Variants in RELN observed in about 807,000 individuals in gnomAD.
The protein encoded by RELN is reelin.
Under a neutral mutation model 427.6 loss-of-function variants are expected in RELN, and 108 were observed. The ratio of observed to expected loss-of-function variants is 0.25; its 90% CI spans 0.22 to 0.30. The LOEUF (loss-of-function observed/expected upper bound fraction) is 0.30, where lower values mean the gene tolerates loss of function less well. Ranked by LOEUF, RELN falls within the 10% of genes least tolerant of loss-of-function variation. The pLI is 1.00. For synonymous variants in RELN, 1,524 were observed against 1,513.4 expected, an observed-to-expected ratio of 1.01 and a Z score of -0.16; for missense variants, 3,715 against 4,302.8, an observed-to-expected ratio of 0.86 and a Z score of 3.82.
intron 2 of RELN, among the ~76,000 whole-genome samples, chr7:103,869,495 A>G (rs1794277274): frequency 1.3e-5 from 2 of 151,988 alleles, no homozygotes; most frequent in African/African-American, 4.8e-5. Flanking sequence ...AATATCTGTA[A>G]TTTTTATTTT....
Position 103,713,840 on chromosome 7 carries a change from T to C in RELN, c.805+9300A>G, listed in dbSNP as rs1441893218. 3.9e-5 allele frequency among the ~76,000 whole-genome samples: 6 copies of C among 152,198 alleles called. No individual in the cohort carries two copies. In the South Asian group the frequency reaches 8.3e-4, roughly 21 times the overall value. ...AGACCATTATTATCCAGATTACCAA[T>C]AGTTTGATAGTTCTATGAACAGCAC... On this transcript the variant is annotated intron_variant, in intron 8 of 64. Transcript: ENST00000428762.
chr7:103,891,098 AC>A (rs1794840006), intron 2 of RELN, among the ~76,000 whole-genome samples: 1 of 151,982 alleles, frequency 6.6e-6, no homozygotes, highest in African/African-American at 2.4e-5. Flanking sequence ...ACAAAACAAA[AC>A]AAAAAACAAA....
intron 24 of RELN, among the ~76,000 whole-genome samples, chr7:103,597,932 C>G (rs1385787019): frequency 6.6e-6 from 1 of 152,162 alleles, no homozygotes; most frequent in African/African-American, 2.4e-5. Flanking sequence ...ACAGATTCTT[C>G]CAAAGCTCAT....
chr7:103,735,972 GGAAAA>G (rs1790482396), intron 6 of RELN, among the ~76,000 whole-genome samples: 1 of 152,112 alleles, frequency 6.6e-6, no homozygotes, highest in Non-Finnish European at 1.5e-5. Flanking sequence ...AACCGAAAAA[GGAAAA>G]GAAAAGTTTC....
At chr7:103,558,250 A>G (rs755195134) in intron 36 of RELN, among the ~76,000 whole-genome samples, 85 of 152,168 alleles carry the variant, frequency 5.6e-4, no homozygotes, top group Admixed American at 1.0e-3. Context: ...GTGCCTGAAT[A>G]ACACAGTTTC....
rs531158350 is a variant in RELN at position 103,968,473 on chromosome 7, G to A, written c.226+20658C>T. 6.6e-6 allele frequency among the ~76,000 whole-genome samples: 1 copy of A among 152,104 alleles called. No homozygotes were observed. Among genetic ancestry groups the A allele is most frequent in the South Asian group, 2.1e-4 (1 of 4,818 alleles). On this transcript the variant is annotated intron_variant, in intron 1 of 64. Coordinates refer to ENST00000428762, the MANE Select transcript of RELN (RefSeq NM_005045.4). This position sits in a 1 kb window ranked among gnomAD's most constrained non-coding sequence, Gnocchi z 4.3. ...TACTGAGGACTAACTGGTGGCCTAT[G>A]AGAAATTAGGGGACAGAAAAAAAAA...
intron 11 of RELN, among the ~76,000 whole-genome samples, chr7:103,674,498 A>G (rs1427540209): frequency 6.6e-6 from 1 of 152,116 alleles, no homozygotes; most frequent in Admixed American, 6.5e-5. Flanking sequence ...TTTCAGTGGA[A>G]AAAAGCCCAC....
At chr7:103,571,279 A>G (rs956121686) in intron 31 of RELN, among the ~76,000 whole-genome samples, 1 of 152,226 alleles carries the variant, frequency 6.6e-6, no homozygotes, top group Non-Finnish European at 1.5e-5. Context: ...AGGAGGATGC[A>G]TCTGAGAAAC....
In RELN at chr7:103,909,993, T is replaced by G. The variant is rs897953519; in HGVS notation, c.337+7082A>C. Among the ~76,000 whole-genome samples the G allele has an allele frequency of 5.3e-4, 74 of 140,866 alleles. 2 individuals carry two copies. The highest frequency in any genetic ancestry group is 1.6e-3 in the African/African-American group (61 of 37,360). The allele number at this position is 140,866 out of a possible 152,430, so 92.4% of individuals were successfully genotyped here. A position where few individuals can be genotyped will look rare whatever the true frequency, so the allele number is the denominator to read the frequency against. On this transcript the variant is annotated intron_variant, in intron 2 of 64. Transcript: ENST00000428762. ...TGGGGATGGCATTGAATCTGTAAAT[T>G]ACCTTGGGCAGTATGGCCATTTTCA...
intron 64 of RELN, among the ~76,000 whole-genome samples, chr7:103,474,020 A>C (rs1029427636): frequency 6.6e-6 from 1 of 152,168 alleles, no homozygotes; most frequent in South Asian, 2.1e-4. Context: ...GGGAAAGGGT[A>C]ATTTTGTTCT....
intron 6 of RELN, among the ~76,000 whole-genome samples, chr7:103,730,419 A>G (rs1055940408): frequency 1.3e-5 from 2 of 152,000 alleles, no homozygotes; most frequent in South Asian, 4.1e-4. Flanking sequence ...TTAGAGAACC[A>G]GTACCTAGAT....
At chr7:103,487,098 C>G (rs1246818536) in intron 60 of RELN, among the ~76,000 whole-genome samples, 1 of 152,098 alleles carries the variant, frequency 6.6e-6, no homozygotes, top group Non-Finnish European at 1.5e-5. Flanking sequence ...GAGTTCATGT[C>G]CTTTGCAGGG....
At chr7:103,851,045 A>G (rs772088637) in intron 2 of RELN, among the ~76,000 whole-genome samples, 28 of 152,338 alleles carry the variant, frequency 1.8e-4, no homozygotes, top group Admixed American at 3.9e-4. Context: ...TATTTATTGC[A>G]GAACAATTCA....
At chr7:103,512,572 A>C (rs988434616) in intron 50 of RELN, among the ~76,000 whole-genome samples, 7 of 152,186 alleles carry the variant, frequency 4.6e-5, no homozygotes, top group Non-Finnish European at 7.4e-5. Flanking sequence ...AAGACTATGA[A>C]TTGATTAATG....
intron 2 of RELN, among the ~76,000 whole-genome samples, chr7:103,881,964 T>C (rs1055817256): frequency 6.6e-6 from 1 of 152,148 alleles, no homozygotes; most frequent in Non-Finnish European, 1.5e-5. Context: ...CCCTGGTTCA[T>C]GAAGTGCCAA....
At chr7:103,636,197 T>C (rs1832575670) in intron 18 of RELN, 38 bp downstream of exon 18, 2 of 1,312,400 alleles carry the variant, frequency 1.5e-6, no homozygotes, top group African/African-American at 2.9e-5. Flanking sequence ...AACATTAGTA[T>C]CTGGTTTTTG....
intron 2 of RELN, among the ~76,000 whole-genome samples, chr7:103,851,315 T>C (rs941003726): frequency 2.6e-5 from 4 of 152,096 alleles, no homozygotes; most frequent in Non-Finnish European, 4.4e-5. Flanking sequence ...AATGATACAA[T>C]GGACTTTGGG....
At position 103,790,185 on chromosome 7, in the gene RELN, G is replaced by A. The variant is rs150895380; in HGVS notation, c.474-13558C>T. On this transcript the variant is annotated intron_variant, in intron 3 of 64. Transcript: ENST00000428762. Reference sequence around the variant, plus strand: ...AACATTACACAGTAGGGCCTGTTGTGGGGGCGGGGACAAGGGGAGTGATAG... The same window carrying A: ...AACATTACACAGTAGGGCCTGTTGTAGGGGCGGGGACAAGGGGAGTGATAG... Among the ~76,000 whole-genome samples, 724 of 152,198 alleles carry A rather than the reference G, an allele frequency of 4.8e-3. 2 individuals are homozygous for A. Among genetic ancestry groups the A allele is most frequent in the African/African-American group, 0.016 (671 of 41,538 alleles).
intron 63 of RELN, among the ~76,000 whole-genome samples, chr7:103,481,212 T>C (rs1828224229): frequency 6.6e-6 from 1 of 152,206 alleles, no homozygotes; most frequent in Non-Finnish European, 1.5e-5. Flanking sequence ...CTGGTGATGA[T>C]ATGTCTCTGA....
Sources: gnomAD v4.1 joint callset for allele counts (sites outside exome capture counted in the v4.1 genomes callset) on GRCh38, gnomAD v4.1.1 for gene constraint, Gnocchi (gnomAD v3.1) non-coding constraint, MANE v1.5 for transcripts, NCBI Gene and HGNC (gene_info 2026-07-23, HGNC 2026-07-21) for gene names.